Variants in ADAM29 observed in about 807,000 individuals in gnomAD.
ADAM29 encodes ADAM metallopeptidase domain 29.
For missense variants in ADAM29, 969 were observed against 1,001.8 expected, an observed-to-expected ratio of 0.97 and a Z score of 0.44; for synonymous variants, 367 against 342.3, an observed-to-expected ratio of 1.07 and a Z score of -0.80.
chr4:174,977,699 CT>C lies in ADAM29; in HGVS notation c.2175del (p.His726MetfsTer11). 1 of 1,614,266 alleles carries C rather than the reference CT, an allele frequency of 6.2e-7. No individual in the cohort carries two copies. Among genetic ancestry groups the C allele is most frequent in the Non-Finnish European group, 8.5e-7 (1 of 1,180,052 alleles). On this transcript the variant is annotated frameshift_variant, in exon 5 of 5. Coordinates refer to ENST00000359240, the MANE Select transcript of ADAM29 (RefSeq NM_014269.4). LOFTEE classifies it low-confidence loss of function (END_TRUNC). ...GAAGAGGAAAAAATTCAGCGTCGACCTCATGAGTTACCTCCCCAGAGTCAAC... is the reference window on the plus strand; with the variant it reads ...GAAGAGGAAAAAATTCAGCGTCGACCCATGAGTTACCTCCCCAGAGTCAAC... ...AKEEEKIQRR[P>X]HELPPQSQPW...
At chr4:174,936,472 T>C (rs1318299886) in intron 3 of ADAM29, among the ~76,000 whole-genome samples, 2 of 151,982 alleles carry the variant, frequency 1.3e-5, no homozygotes, top group African/African-American at 4.8e-5. Context: ...ATTGACTTCC[T>C]TTATGTTCTA....
chr4:174,923,216 C>T (rs945060379), intron 2 of ADAM29, among the ~76,000 whole-genome samples: 1 of 151,828 alleles, frequency 6.6e-6, no homozygotes, highest in Non-Finnish European at 1.5e-5. Flanking sequence ...GCCACCACAC[C>T]TGGCTAATTT....
chr4:174,957,466 C>T (rs1745568233), intron 4 of ADAM29, among the ~76,000 whole-genome samples: 1 of 151,744 alleles, frequency 6.6e-6, no homozygotes, highest in Non-Finnish European at 1.5e-5. Context: ...TATGGTGTTC[C>T]TCTGCCCTAA....
At chr4:174,973,034 G>A (rs1746555831) in intron 4 of ADAM29, among the ~76,000 whole-genome samples, 1 of 152,182 alleles carries the variant, frequency 6.6e-6, no homozygotes, top group Non-Finnish European at 1.5e-5. Flanking sequence ...AAAAGTTGGA[G>A]TGTCAGATAC....
intron 2 of ADAM29, among the ~76,000 whole-genome samples, chr4:174,929,497 C>T (rs573181787): frequency 6.6e-6 from 1 of 152,200 alleles, no homozygotes; most frequent in African/African-American, 2.4e-5. Flanking sequence ...CACAGACTCT[C>T]CACAAAGGCA....
Position 174,976,982 on chromosome 4 carries a change from C to T in ADAM29, c.1457C>T (p.Pro486Leu), listed in dbSNP as rs1263901899. 6.2e-7 allele frequency: 1 copy of T among 1,613,984 alleles called. No individual in the cohort carries two copies. The highest frequency in any genetic ancestry group is 1.1e-5 in the South Asian group (1 of 91,072). The change falls in exon 5 of 5, where the codon CCC becomes CTC. Residue 486 changes from proline (P) to leucine (L), a missense_variant. By Grantham distance (98) the Pro-to-Leu change is moderately conservative. Coordinates refer to ENST00000359240, the MANE Select transcript of ADAM29 (RefSeq NM_014269.4). ...PDDFYVEDGIPCKERGYCYEK... is the reference protein window; with the variant it reads ...PDDFYVEDGILCKERGYCYEK... ...GACTTTTATGTGGAAGATGGAATTCCCTGTAAGGAGAGGGGCTACTGCTAT... is the reference window on the plus strand; with the variant it reads ...GACTTTTATGTGGAAGATGGAATTCTCTGTAAGGAGAGGGGCTACTGCTAT...
intron 4 of ADAM29, among the ~76,000 whole-genome samples, chr4:174,958,787 T>G (rs1745648868): frequency 2.6e-5 from 4 of 151,852 alleles, no homozygotes; most frequent in Admixed American, 2.0e-4. Context: ...TTACACTTCA[T>G]TTTTACATAT....
At chr4:174,959,113 TC>T (rs1187670662) in intron 4 of ADAM29, among the ~76,000 whole-genome samples, 1 of 151,908 alleles carries the variant, frequency 6.6e-6, no homozygotes, top group African/African-American at 2.4e-5. Flanking sequence ...ATATCATTTT[TC>T]TTCTTCCGGA....
chr4:174,936,233 C>T (rs1428100351), intron 3 of ADAM29, among the ~76,000 whole-genome samples: 1 of 151,922 alleles, frequency 6.6e-6, no homozygotes, highest in Non-Finnish European at 1.5e-5. Flanking sequence ...AATGTAATTT[C>T]GACTTGAATT....
intron 4 of ADAM29, among the ~76,000 whole-genome samples, chr4:174,944,701 G>A (rs538653752): frequency 1.8e-4 from 27 of 152,112 alleles, no homozygotes; most frequent in African/African-American, 6.5e-4. Context: ...CCTCAAGTAA[G>A]CCCTCATGTC....
At chr4:174,961,747 G>A (rs1745834185) in intron 4 of ADAM29, among the ~76,000 whole-genome samples, 1 of 152,022 alleles carries the variant, frequency 6.6e-6, no homozygotes, top group Non-Finnish European at 1.5e-5. Flanking sequence ...TATGCTAACA[G>A]CAATTCTTTC....
At chr4:174,933,478 A>T (rs1382790995) in intron 3 of ADAM29, among the ~76,000 whole-genome samples, 7 of 143,864 alleles carry the variant, frequency 4.9e-5, no homozygotes, top group East Asian at 1.9e-4. Context: ...AGCTCTATTT[A>T]AAAAAAAAAC....
At position 174,975,515 on chromosome 4, in the gene ADAM29, C is replaced by G; in HGVS notation, c.-11C>G. ...ACTTCAAAATCACTGTGATTTGAAGCCTTTTTGAACATGAAGATGTTACTC... is the reference window on the plus strand; with the variant it reads ...ACTTCAAAATCACTGTGATTTGAAGGCTTTTTGAACATGAAGATGTTACTC... On this transcript the variant is annotated 5_prime_UTR_variant, in exon 5 of 5. Coordinates refer to ENST00000359240, the MANE Select transcript of ADAM29 (RefSeq NM_014269.4). The G allele has an allele frequency of 2.0e-6, 3 of 1,496,776 alleles. No homozygotes were observed. The highest frequency in any genetic ancestry group is 2.8e-5 in the South Asian group (2 of 70,868). The allele number at this position is 1,496,776 out of a possible 1,614,324, so 92.7% of individuals were successfully genotyped here.
At chr4:174,938,248 T>C (rs1744314400) in intron 4 of ADAM29, among the ~76,000 whole-genome samples, 1 of 152,078 alleles carries the variant, frequency 6.6e-6, no homozygotes, top group Non-Finnish European at 1.5e-5. Flanking sequence ...AGAAGTCTAC[T>C]AGGTAGCATG....
chr4:174,960,503 A>G (rs1285980549), intron 4 of ADAM29, among the ~76,000 whole-genome samples: 2 of 151,740 alleles, frequency 1.3e-5, no homozygotes, highest in African/African-American at 4.8e-5. Context: ...ATCTGCAGGG[A>G]GTTTTCTGTA....
chr4:174,931,705 A>C (rs1743887508), intron 3 of ADAM29, among the ~76,000 whole-genome samples: 1 of 152,156 alleles, frequency 6.6e-6, no homozygotes, highest in Admixed American at 6.5e-5. Flanking sequence ...GAATACCTTA[A>C]AAGCTAATAT....
intron 4 of ADAM29, among the ~76,000 whole-genome samples, chr4:174,959,475 G>GTGTC (rs1745689352): frequency 6.6e-6 from 1 of 151,206 alleles, no homozygotes; most frequent in Non-Finnish European, 1.5e-5. Flanking sequence ...GTGTGTGTGT[G>GTGTC]TGTGTGTGTT....
chr4:174,948,441 T>G (rs1408681940), intron 4 of ADAM29, among the ~76,000 whole-genome samples: 1 of 152,168 alleles, frequency 6.6e-6, no homozygotes, highest in African/African-American at 2.4e-5. Flanking sequence ...AAAGCTCAGC[T>G]CGGCACTCCT....
chr4:174,972,277 A>T (rs180822510), intron 4 of ADAM29, among the ~76,000 whole-genome samples: 23 of 152,294 alleles, frequency 1.5e-4, no homozygotes, highest in Admixed American at 1.4e-3. Context: ...TGCACATTAG[A>T]CACAGAAGGT....
Sources: allele counts gnomAD v4.1 joint callset (sites outside exome capture counted in the v4.1 genomes callset), GRCh38; gene constraint gnomAD v4.1.1; transcripts MANE v1.5; gene names NCBI Gene and HGNC (gene_info 2026-07-23, HGNC 2026-07-21).